Variants in FOXO3 observed in about 807,000 individuals in gnomAD.
FOXO3 encodes the protein forkhead box O3.
In FOXO3, 4 loss-of-function variants were observed where a neutral mutation model predicts 41.9. That is an observed-to-expected ratio of 0.10 (90% CI 0.05 to 0.22). The LOEUF (loss-of-function observed/expected upper bound fraction) is 0.22. FOXO3 is among the 10% of genes least tolerant of loss of function. The pLI is 1.00. For missense variants in FOXO3, 534 were observed against 906.8 expected (o/e 0.59, Z 5.28); for synonymous variants, 318 against 389.3 (o/e 0.82, Z 2.16).
At chr6:108,641,461 A>G (rs897320948) in intron 1 of FOXO3, among the ~76,000 whole-genome samples, 4 of 152,112 alleles carry the variant, frequency 2.6e-5, no homozygotes, top group African/African-American at 9.7e-5. Flanking sequence ...TTTGAAAACC[A>G]CTGGGTCAGA....
chr6:108,661,752 T>C (rs1407841558), intron 1 of FOXO3, among the ~76,000 whole-genome samples: 1 of 152,226 alleles, frequency 6.6e-6, no homozygotes, highest in Non-Finnish European at 1.5e-5. Flanking sequence ...GTGGCAGAGA[T>C]AGGACTGAAT....
At chr6:108,639,361 T>G (rs1778195681) in intron 1 of FOXO3, among the ~76,000 whole-genome samples, 2 of 152,228 alleles carry the variant, frequency 1.3e-5, no homozygotes, top group African/African-American at 4.8e-5. Context: ...TGGGGAAAGC[T>G]TTTATTTCCA....
chr6:108,649,377 G>A (rs1389300223), intron 1 of FOXO3, among the ~76,000 whole-genome samples: 1 of 152,144 alleles, frequency 6.6e-6, no homozygotes, highest in African/African-American at 2.4e-5. Context: ...AGATAGTCTA[G>A]AACAAAGACC....
At chr6:108,606,226 G>A (rs1777196593) in intron 1 of FOXO3, among the ~76,000 whole-genome samples, 1 of 152,196 alleles carries the variant, frequency 6.6e-6, no homozygotes, top group South Asian at 2.1e-4. Flanking sequence ...GTCAGTTAAT[G>A]CCTAATTGCT....
chr6:108,673,775 C>A (rs998717244), intron 2 of FOXO3, among the ~76,000 whole-genome samples: 10 of 152,118 alleles, frequency 6.6e-5, no homozygotes, highest in South Asian at 4.1e-4. Flanking sequence ...CATACACACA[C>A]CCCAGTAAAT....
intron 1 of FOXO3, among the ~76,000 whole-genome samples, chr6:108,617,586 A>G (rs1182237256): frequency 6.6e-6 from 1 of 152,200 alleles, no homozygotes; most frequent in East Asian, 1.9e-4. Context: ...AAAAACATGA[A>G]AATTCTCCAG....
At chr6:108,578,514 C>A (rs1342702094) in intron 1 of FOXO3, among the ~76,000 whole-genome samples, 2 of 152,192 alleles carry the variant, frequency 1.3e-5, no homozygotes, top group Non-Finnish European at 2.9e-5. Flanking sequence ...AGGATACTCA[C>A]CTCTCAGGAT....
chr6:108,568,551 C>T (rs954101281), intron 1 of FOXO3, among the ~76,000 whole-genome samples: 1 of 152,244 alleles, frequency 6.6e-6, no homozygotes, highest in South Asian at 2.1e-4. Flanking sequence ...GTATAAGAGG[C>T]TTTAAATTAG....
chr6:108,656,743 T>C (rs1397712920), intron 1 of FOXO3, among the ~76,000 whole-genome samples: 2 of 152,188 alleles, frequency 1.3e-5, no homozygotes, highest in African/African-American at 4.8e-5. Context: ...TACTTTTCAT[T>C]TCAGGAAGCT....
intron 1 of FOXO3, among the ~76,000 whole-genome samples, chr6:108,657,876 A>T (rs1459423271): frequency 6.6e-6 from 1 of 152,216 alleles, no homozygotes; most frequent in Non-Finnish European, 1.5e-5. Flanking sequence ...TAAGTAGAGA[A>T]GTTAGTACAG....
intron 1 of FOXO3, among the ~76,000 whole-genome samples, chr6:108,599,062 G>C (rs1776973162): frequency 1.3e-5 from 2 of 152,222 alleles, no homozygotes; most frequent in Non-Finnish European, 2.9e-5. Flanking sequence ...AAAATGGGAT[G>C]AGAGCTGTTT....
intron 1 of FOXO3, among the ~76,000 whole-genome samples, chr6:108,613,382 T>C (rs1033429562): frequency 4.6e-5 from 7 of 152,184 alleles, no homozygotes; most frequent in Non-Finnish European, 1.5e-5. Context: ...TGTGAGGAAA[T>C]GTTTAACTGC....
At chr6:108,644,405 C>G (rs1397452719) in intron 1 of FOXO3, among the ~76,000 whole-genome samples, 1 of 152,170 alleles carries the variant, frequency 6.6e-6, no homozygotes, top group Non-Finnish European at 1.5e-5. Flanking sequence ...TCTGTCCCTA[C>G]CACTCCTTTG....
intron 1 of FOXO3, among the ~76,000 whole-genome samples, chr6:108,642,481 A>G (rs1251170201): frequency 6.6e-6 from 1 of 152,178 alleles, no homozygotes; most frequent in Non-Finnish European, 1.5e-5. Flanking sequence ...GTGGATCAGG[A>G]TAATATGCAG....
intron 1 of FOXO3, among the ~76,000 whole-genome samples, chr6:108,643,025 A>G (rs958367599): frequency 6.6e-6 from 1 of 152,228 alleles, no homozygotes; most frequent in African/African-American, 2.4e-5. Context: ...ACATGATCAG[A>G]TAAGTACATT....
chr6:108,602,569 G>T (rs1418475538), intron 1 of FOXO3, among the ~76,000 whole-genome samples: 1 of 151,816 alleles, frequency 6.6e-6, no homozygotes, highest in Non-Finnish European at 1.5e-5. Flanking sequence ...CTGAGTTTTT[G>T]TATGTTGCTG....
intron 1 of FOXO3, among the ~76,000 whole-genome samples, chr6:108,594,810 G>GC (rs1776831063): frequency 6.6e-6 from 1 of 152,162 alleles, no homozygotes; most frequent in African/African-American, 2.4e-5. Flanking sequence ...GTTGAATGTG[G>GC]CACAGCTCCA....
intron 1 of FOXO3, among the ~76,000 whole-genome samples, chr6:108,632,689 G>C (rs746473571): frequency 6.6e-6 from 1 of 152,130 alleles, no homozygotes; most frequent in Non-Finnish European, 1.5e-5. Flanking sequence ...TGATCTGCTG[G>C]TGTCAACTGG....
At chr6:108,658,103 C>T (rs77061140) in intron 1 of FOXO3, among the ~76,000 whole-genome samples, 9,637 of 152,150 alleles carry the variant, frequency 0.063, 448 homozygotes, top group Middle Eastern at 0.13. Flanking sequence ...CTGCGTATAA[C>T]AAGGATTAAC....
Sources: allele counts gnomAD v4.1 joint callset (sites outside exome capture counted in the v4.1 genomes callset), GRCh38; gene constraint gnomAD v4.1.1; transcripts MANE v1.5; gene names NCBI Gene and HGNC (gene_info 2026-07-23, HGNC 2026-07-21).